LRRC4C: variants seen among roughly 807,000 people sequenced by gnomAD.
LRRC4C encodes the protein leucine-rich repeat-containing protein 4C.
In LRRC4C, 5 loss-of-function variants were observed where a neutral mutation model predicts 33.6. The observed-to-expected ratio is 0.15, with a 90% CI of 0.08 to 0.31. The LOEUF is 0.31. LRRC4C is among the 10% of genes least tolerant of loss of function. The pLI, the probability that LRRC4C is intolerant of heterozygous loss-of-function variation, is 1.00. For synonymous variants in LRRC4C, 329 were observed against 302.0 expected (o/e 1.09, Z -0.93); for missense variants, 560 against 796.7 (o/e 0.70, Z 3.58).
At chr11:41,179,888 C>CT (rs57361249) in intron 1 of LRRC4C, among the ~76,000 whole-genome samples, 140,706 of 152,146 alleles carry the variant, frequency 0.92, 65,564 homozygotes, top group East Asian at 1. Flanking sequence ...GGCAGGTTTT[C>CT]TTCCACCTAG....
chr11:41,186,008 A>T (rs1303481723), intron 1 of LRRC4C, among the ~76,000 whole-genome samples: 1 of 152,146 alleles, frequency 6.6e-6, no homozygotes, highest in Non-Finnish European at 1.5e-5. Flanking sequence ...TAAGCCGTAC[A>T]GAGAGGTAAA....
intron 1 of LRRC4C, among the ~76,000 whole-genome samples, chr11:40,971,263 T>G (rs913136877): frequency 2.0e-5 from 3 of 152,186 alleles, no homozygotes; most frequent in African/African-American, 7.2e-5. Flanking sequence ...AATGTTATGG[T>G]GGTCCAGGCC....
Position 41,129,261 on chromosome 11 carries a change from C to T in LRRC4C, c.-495-195538G>A, listed in dbSNP as rs997406156. On this transcript the variant is annotated intron_variant, in intron 1 of 6. Coordinates refer to ENST00000528697, the MANE Select transcript of LRRC4C (RefSeq NM_001258419.2). ...TTATTTATATTCTCCGTACCAACTG[C>T]GAAGTGCATGTTTGGCAATTTGTAA... is the stretch of plus-strand genomic sequence containing the variant. 6.6e-5 allele frequency among the ~76,000 whole-genome samples: 10 copies of T among 152,020 alleles called. No individual in the cohort carries two copies. In the South Asian group the frequency reaches 8.3e-4, roughly 13 times the overall value.
In LRRC4C at chr11:40,660,072, C is replaced by T. The variant is rs2902099; in HGVS notation, c.-406-11794G>A. 4.1e-3 allele frequency among the ~76,000 whole-genome samples: 632 copies of T among 152,328 alleles called. 4 individuals are homozygous for T. The highest frequency in any genetic ancestry group is 0.025 in the South Asian group (119 of 4,830). Reference sequence around the variant, plus strand: ...TTCCTTGTGTTTCCAAGCTTCTGAGCGCCACTGCATTCTCCTTGTCCACAC... The same window carrying T: ...TTCCTTGTGTTTCCAAGCTTCTGAGTGCCACTGCATTCTCCTTGTCCACAC... On this transcript the variant is annotated intron_variant, in intron 2 of 6. Coordinates refer to ENST00000528697, the MANE Select transcript of LRRC4C (RefSeq NM_001258419.2).
intron 1 of LRRC4C, among the ~76,000 whole-genome samples, chr11:41,227,088 C>T (rs1947575525): frequency 6.6e-6 from 1 of 151,920 alleles, no homozygotes; most frequent in Non-Finnish European, 1.5e-5. Flanking sequence ...TTAACTGTCA[C>T]CAGCATGTGA....
intron 4 of LRRC4C, among the ~76,000 whole-genome samples, chr11:40,297,612 G>T (rs10128639): frequency 6.6e-6 from 1 of 151,428 alleles, no homozygotes; most frequent in African/African-American, 2.4e-5. Flanking sequence ...AAGGTCCCCC[G>T]CCGACCCATG....
chr11:41,090,727 T>C (rs1223543255), intron 1 of LRRC4C, among the ~76,000 whole-genome samples: 1 of 152,114 alleles, frequency 6.6e-6, no homozygotes, highest in Non-Finnish European at 1.5e-5. Context: ...CAGTTTCCCC[T>C]ATGATGTTCC....
At chr11:40,761,813 C>A (rs890964513) in intron 2 of LRRC4C, among the ~76,000 whole-genome samples, 1 of 152,124 alleles carries the variant, frequency 6.6e-6, no homozygotes, top group African/African-American at 2.4e-5. Context: ...TCTTCTGTTA[C>A]ACTGATGTGG....
At chr11:40,266,397 G>A (rs1942259656) in intron 4 of LRRC4C, among the ~76,000 whole-genome samples, 5 of 152,068 alleles carry the variant, frequency 3.3e-5, no homozygotes, top group Admixed American at 3.3e-4. Flanking sequence ...AGACAGGGAG[G>A]TCGAGGCTGC....
chr11:40,457,111 A>G (rs1952169623), intron 3 of LRRC4C, among the ~76,000 whole-genome samples: 2 of 150,490 alleles, frequency 1.3e-5, no homozygotes, highest in Admixed American at 1.3e-4. Flanking sequence ...AAGAAAAAAA[A>G]AAAAGAAAAA....
chr11:40,608,651 C>T (rs1202955751), intron 3 of LRRC4C, among the ~76,000 whole-genome samples: 1 of 151,980 alleles, frequency 6.6e-6, no homozygotes, highest in Non-Finnish European at 1.5e-5. Context: ...AAAATAAGTT[C>T]CAACTACATG....
At chr11:40,187,907 G>A (rs1266400896) in intron 5 of LRRC4C, among the ~76,000 whole-genome samples, 1 of 152,184 alleles carries the variant, frequency 6.6e-6, no homozygotes, top group African/African-American at 2.4e-5. Context: ...GGGGGTCGGG[G>A]AAAGAGAAGG....
At chr11:41,459,082 A>C (rs977042345) in intron 1 of LRRC4C, among the ~76,000 whole-genome samples, 1 of 152,124 alleles carries the variant, frequency 6.6e-6, no homozygotes, top group Non-Finnish European at 1.5e-5. Flanking sequence ...AGCCTCTGCC[A>C]GTCGCTTTTC....
At chr11:41,220,571 C>T (rs951657284) in intron 1 of LRRC4C, among the ~76,000 whole-genome samples, 23 of 148,156 alleles carry the variant, frequency 1.6e-4, no homozygotes, top group Admixed American at 1.2e-3. Context: ...CAATTCTACA[C>T]GTCTGAAAGT....
intron 1 of LRRC4C, among the ~76,000 whole-genome samples, chr11:40,948,776 A>G (rs1442731391): frequency 1.3e-5 from 2 of 150,164 alleles, no homozygotes; most frequent in Non-Finnish European, 3.0e-5. Context: ...ATTGTTGGAC[A>G]TTTGGGTTGG....
chr11:40,679,265 C>CT (rs371741482), intron 2 of LRRC4C, among the ~76,000 whole-genome samples: 2,143 of 150,972 alleles, frequency 0.014, 45 homozygotes, highest in African/African-American at 0.048. Flanking sequence ...TTAAAGGCAC[C>CT]TTTTTTTTTA....
intron 2 of LRRC4C, among the ~76,000 whole-genome samples, chr11:40,868,329 A>G (rs1054257585): frequency 6.6e-6 from 1 of 152,132 alleles, no homozygotes; most frequent in African/African-American, 2.4e-5. Flanking sequence ...GCTATTTAAT[A>G]TTTCACTATG....
chr11:41,018,662 T>C (rs1169835576), intron 1 of LRRC4C, among the ~76,000 whole-genome samples: 1 of 152,090 alleles, frequency 6.6e-6, no homozygotes, highest in African/African-American at 2.4e-5. Flanking sequence ...TGGCATATGC[T>C]CCAGGTTTGG....
At chr11:40,268,385 C>T (rs1942443060) in intron 4 of LRRC4C, among the ~76,000 whole-genome samples, 1 of 152,082 alleles carries the variant, frequency 6.6e-6, no homozygotes, top group African/African-American at 2.4e-5. Flanking sequence ...ATGATGCTTC[C>T]TAAATTGAAA....
Sources: gnomAD v4.1 joint callset for allele counts (sites outside exome capture counted in the v4.1 genomes callset) on GRCh38, gnomAD v4.1.1 for gene constraint, MANE v1.5 for transcripts, NCBI Gene and HGNC (gene_info 2026-07-23, HGNC 2026-07-21) for gene names.